Variants in TAOK1 observed in about 807,000 individuals in gnomAD.
TAOK1 encodes TAO kinase 1.
In TAOK1, 21 loss-of-function variants were observed where a neutral mutation model predicts 138.3. The observed-to-expected ratio is 0.15, with a 90% CI of 0.11 to 0.22. The LOEUF is 0.22. TAOK1 is among the 10% of genes least tolerant of loss of function. The probability of loss-of-function intolerance (pLI) is 1.00; values close to 1 mark genes in which losing one functional copy is unlikely to be tolerated. For synonymous variants in TAOK1, 361 were observed against 398.4 expected (o/e 0.91, Z 1.12); for missense variants, 651 against 1,227.7 (o/e 0.53, Z 7.02).
Position 29,521,353 on chromosome 17 carries a change from A to G in TAOK1, c.1909-927A>G, listed in dbSNP as rs2031912484. Among the ~76,000 whole-genome samples, 6 of 152,352 alleles carry G rather than the reference A, an allele frequency of 3.9e-5. No homozygotes were observed. The East Asian group carries it at 1.2e-3, about 29-fold the overall frequency. On this transcript the variant is annotated intron_variant, in intron 16 of 19. Transcript: ENST00000261716. ...AAATGTTTAGAGCCCTGTGAGGTCT[A>G]AAATAAAGGAATGACATTTGTTGAG... is the stretch of plus-strand genomic sequence containing the variant.
chr17:29,450,812 G>T (rs149090402), intron 1 of TAOK1, among the ~76,000 whole-genome samples: 2 of 152,296 alleles, frequency 1.3e-5, no homozygotes, highest in African/African-American at 4.8e-5. Context: ...CACTGAGTCT[G>T]GCTATGACAG....
At chr17:29,469,272 C>G (rs933511787) in intron 3 of TAOK1, among the ~76,000 whole-genome samples, 3 of 141,922 alleles carry the variant, frequency 2.1e-5, no homozygotes, top group Non-Finnish European at 4.5e-5. Flanking sequence ...AAGAAAAACT[C>G]TAGAATTCTC....
At chr17:29,398,134 G>C (rs1318110817) in intron 1 of TAOK1, among the ~76,000 whole-genome samples, 1 of 152,106 alleles carries the variant, frequency 6.6e-6, no homozygotes. Flanking sequence ...ATCCCAAAGA[G>C]CTGGGATTAC....
chr17:29,479,220 T>A (rs1034505374), intron 6 of TAOK1, among the ~76,000 whole-genome samples: 1 of 152,078 alleles, frequency 6.6e-6, no homozygotes, highest in Non-Finnish European at 1.5e-5. Flanking sequence ...TCCTTGATAA[T>A]GGATAGTAAC....
At chr17:29,520,559 A>G (rs560548996) in intron 16 of TAOK1, among the ~76,000 whole-genome samples, 1 of 151,670 alleles carries the variant, frequency 6.6e-6, no homozygotes, top group Admixed American at 6.6e-5. Context: ...GACTACAGAC[A>G]TGCACCACCA....
intron 1 of TAOK1, among the ~76,000 whole-genome samples, chr17:29,449,275 A>G (rs2030173631): frequency 6.6e-6 from 1 of 152,324 alleles, no homozygotes; most frequent in South Asian, 2.1e-4. Flanking sequence ...CTATGGTCAC[A>G]TATTCTTGGA....
chr17:29,432,045 T>C (rs4419109), intron 1 of TAOK1, among the ~76,000 whole-genome samples: 94,371 of 151,914 alleles, frequency 0.62, 30,521 homozygotes, highest in East Asian at 0.97. Flanking sequence ...GTTGTGGAGA[T>C]CCTAACCCAG....
intron 2 of TAOK1, among the ~76,000 whole-genome samples, chr17:29,465,394 C>T (rs374878858): frequency 6.6e-6 from 1 of 151,940 alleles, no homozygotes; most frequent in East Asian, 1.9e-4. Flanking sequence ...TCGCAATCCG[C>T]GCGTCTCTGC....
intron 1 of TAOK1, among the ~76,000 whole-genome samples, chr17:29,428,342 CAA>C (rs758730608): frequency 1.1e-3 from 171 of 152,164 alleles, no homozygotes; most frequent in Non-Finnish European, 2.3e-3. Flanking sequence ...GTAGAACAGA[CAA>C]GAGGTAACAG....
At position 29,459,427 on chromosome 17, in the gene TAOK1, G is replaced by A. The variant is rs189672684; in HGVS notation, c.133-7718G>A. Among the ~76,000 whole-genome samples the A allele has an allele frequency of 1.8e-4, 28 of 151,724 alleles. No homozygotes were observed. In the East Asian group the frequency reaches 4.7e-3, roughly 25 times the overall value. On this transcript the variant is annotated intron_variant, in intron 2 of 19. Transcript: ENST00000261716. ...CTCCCGAGTAGCTGAGATTACAGGCGCCCGCCCCCACGCCCGGCTGTTTGT... is the reference window on the plus strand; with the variant it reads ...CTCCCGAGTAGCTGAGATTACAGGCACCCGCCCCCACGCCCGGCTGTTTGT...
chr17:29,455,730 T>G (rs907125359), intron 2 of TAOK1, among the ~76,000 whole-genome samples: 4 of 23,926 alleles, frequency 1.7e-4, no homozygotes, highest in African/African-American at 9.5e-4. Flanking sequence ...GGATCATGTG[T>G]TTTTTTTTTC....
chr17:29,430,878 T>C (rs1442734559), intron 1 of TAOK1, among the ~76,000 whole-genome samples: 2 of 152,142 alleles, frequency 1.3e-5, no homozygotes, highest in Admixed American at 1.3e-4. Flanking sequence ...GGTAGCTTTT[T>C]GATGGCCAGG....
At chr17:29,529,745 A>C (rs2032070972) in intron 17 of TAOK1, among the ~76,000 whole-genome samples, 2 of 152,152 alleles carry the variant, frequency 1.3e-5, no homozygotes, top group African/African-American at 4.8e-5. Flanking sequence ...ACATGCCTGT[A>C]ATCCCAGCTA....
chr17:29,405,107 G>C (rs1052969819), intron 1 of TAOK1, among the ~76,000 whole-genome samples: 1 of 152,086 alleles, frequency 6.6e-6, no homozygotes, highest in African/African-American at 2.4e-5. Flanking sequence ...AGCCTCCCAA[G>C]TAGCTGAGAT....
At chr17:29,452,051 A>G (rs1598486499) in intron 2 of TAOK1, among the ~76,000 whole-genome samples, 1 of 152,000 alleles carries the variant, frequency 6.6e-6, no homozygotes. Context: ...CCCTGCCTCT[A>G]CAAAAAATAC....
intron 1 of TAOK1, 77 bp from the exon 2 acceptor site, chr17:29,451,378 G>C: frequency 5.2e-6 from 3 of 573,604 alleles, no homozygotes; most frequent in Non-Finnish European, 8.1e-6. Context: ...TAAATTTGTA[G>C]ATCAGTATAT....
chr17:29,526,894 T>G (rs534025349), intron 17 of TAOK1, among the ~76,000 whole-genome samples: 1 of 145,532 alleles, frequency 6.9e-6, no homozygotes, highest in Admixed American at 7.1e-5. Context: ...TTTGGGAGGT[T>G]GACGTGGGCA....
At chr17:29,400,079 G>C (rs1904789907) in intron 1 of TAOK1, among the ~76,000 whole-genome samples, 1 of 151,990 alleles carries the variant, frequency 6.6e-6, no homozygotes. Context: ...TCCTTTGCTG[G>C]ATATAAAGCC....
Position 29,521,739 on chromosome 17 carries a change from C to T in TAOK1, c.1909-541C>T, listed in dbSNP as rs368872695. Among the ~76,000 whole-genome samples, 11 of 152,338 alleles carry T rather than the reference C, an allele frequency of 7.2e-5. No individual in the cohort carries two copies. In the East Asian group the frequency reaches 7.7e-4, roughly 11 times the overall value. ...CTGGGACTACGGGCGCCCGCCACAA[C>T]GCCTGGCTAATTTTTTGTGTTTTTA... On this transcript the variant is annotated intron_variant, in intron 16 of 19. Coordinates refer to ENST00000261716, the MANE Select transcript of TAOK1 (RefSeq NM_020791.4).
Sources: gnomAD v4.1 joint callset for allele counts (sites outside exome capture counted in the v4.1 genomes callset) on GRCh38, gnomAD v4.1.1 for gene constraint, MANE v1.5 for transcripts, NCBI Gene and HGNC (gene_info 2026-07-23, HGNC 2026-07-21) for gene names.